Variants in PNO1 observed in about 807,000 individuals in gnomAD.
The protein encoded by PNO1 is partner of NOB1 homolog.
A neutral mutation model predicts 28.4 loss-of-function variants in PNO1; 16 were observed. The ratio of observed to expected loss-of-function variants is 0.56; its 90% CI spans 0.38 to 0.85. The LOEUF is 0.85. Among genes scored for constraint, PNO1 ranks in the 40% least tolerant of loss-of-function variants. The pLI is 0.00. For synonymous variants in PNO1, 115 were observed against 110.8 expected (o/e 1.04, Z -0.24); for missense variants, 304 against 312.2 (o/e 0.97, Z 0.20).
intron 5 of PNO1, 155 bp from the exon 6 acceptor site, chr2:68,173,189 AATT>A (rs1674177664): frequency 1.9e-6 from 1 of 519,978 alleles, no homozygotes; most frequent in Non-Finnish European, 3.4e-6. Flanking sequence ...CTAACTGTTG[AATT>A]TTTTTGTAGA....
chr2:68,169,772 T>G (rs1384279883), intron 5 of PNO1, among the ~76,000 whole-genome samples: 1 of 152,262 alleles, frequency 6.6e-6, no homozygotes, highest in Non-Finnish European at 1.5e-5. Context: ...TAGCTTTTTC[T>G]TAATTTTTTT....
intron 2 of PNO1, 90 bp from the exon 3 acceptor site, chr2:68,161,593 A>G (rs550413961): frequency 8.5e-6 from 7 of 825,234 alleles, no homozygotes; most frequent in East Asian, 7.5e-5. Flanking sequence ...AAATTCTCCA[A>G]TAATGGGAAA....
intron 5 of PNO1, among the ~76,000 whole-genome samples, chr2:68,172,142 T>G (rs1674146925): frequency 6.6e-6 from 1 of 152,098 alleles, no homozygotes. Flanking sequence ...ATTGACATGA[T>G]CGAGCATGGT....
chr2:68,165,296 G>A (rs1193813620), intron 5 of PNO1, among the ~76,000 whole-genome samples: 3 of 147,976 alleles, frequency 2.0e-5, no homozygotes, highest in East Asian at 3.9e-4. Context: ...CCCGGGAGGC[G>A]GAGCTTGCAG....
At chr2:68,167,123 CT>C (rs1337817865) in intron 5 of PNO1, among the ~76,000 whole-genome samples, 2 of 152,208 alleles carry the variant, frequency 1.3e-5, no homozygotes, top group African/African-American at 4.8e-5. Context: ...TCCTTCCAGA[CT>C]TTTATGATGT....
In PNO1 at chr2:68,174,382, G is replaced by A. The variant is rs556236944; in HGVS notation, c.692-353G>A. Among the ~76,000 whole-genome samples the A allele has an allele frequency of 2.2e-5, 3 of 137,006 alleles. No individual in the cohort carries two copies. In the South Asian group the frequency reaches 6.7e-4, roughly 30 times the overall value. 89.9% of individuals were successfully genotyped at this position (137,006 alleles called of 152,430 possible). A position where few individuals can be genotyped will look rare whatever the true frequency, so the allele number is the denominator to read the frequency against. ...CTTTTTCACGTACAGTCTGCCCTCT[G>A]TCTGCAAGGTCCACATCTGCGGATC... On this transcript the variant is annotated intron_variant, in intron 6 of 6. Coordinates refer to ENST00000263657, the MANE Select transcript of PNO1 (RefSeq NM_020143.4).
intron 5 of PNO1, among the ~76,000 whole-genome samples, chr2:68,170,466 G>A (rs1674097119): frequency 6.6e-6 from 1 of 152,066 alleles, no homozygotes; most frequent in Non-Finnish European, 1.5e-5. Context: ...GCCAAATATT[G>A]GCCGGGCGTG....
chr2:68,169,621 CTT>C (rs1170902209), intron 5 of PNO1, among the ~76,000 whole-genome samples: 1 of 152,140 alleles, frequency 6.6e-6, no homozygotes, highest in Non-Finnish European at 1.5e-5. Flanking sequence ...TTCCATTTCT[CTT>C]GACTACAAAT....
chr2:68,158,682 G>T (rs1228817834), intron 2 of PNO1, among the ~76,000 whole-genome samples, 153 bp downstream of exon 2: 1 of 152,166 alleles, frequency 6.6e-6, no homozygotes, highest in Non-Finnish European at 1.5e-5. Context: ...CTTCCCAAAT[G>T]CCTTAAAAAT....
At chr2:68,164,480 G>A (rs984662975) in intron 5 of PNO1, among the ~76,000 whole-genome samples, 2 of 152,086 alleles carry the variant, frequency 1.3e-5, no homozygotes, top group Admixed American at 1.3e-4. Context: ...GACAGAGTGA[G>A]ACTCTAACAA....
At position 68,175,572 on chromosome 2, in the gene PNO1, A is replaced by AT. The variant is rs1301844893; in HGVS notation, c.*771dup. The AT allele has an allele frequency of 6.6e-6, 1 of 152,172 alleles. No homozygotes were observed. The highest frequency in any genetic ancestry group is 1.5e-5 in the Non-Finnish European group (1 of 68,072). The allele number at this position is 152,172 out of a possible 1,614,324, so 9.4% of individuals were successfully genotyped here. On this transcript the variant is annotated 3_prime_UTR_variant, in exon 7 of 7. Transcript: ENST00000263657. ...CACTGCGCCTGGCCTTGATGTGTGA[A>AT]TATTTGAGAGGTCATAAGCAGTGGT...
At chr2:68,168,701 G>A (rs767368997) in intron 5 of PNO1, among the ~76,000 whole-genome samples, 3 of 152,124 alleles carry the variant, frequency 2.0e-5, no homozygotes, top group Non-Finnish European at 4.4e-5. Context: ...TGTCTTGCCT[G>A]GGCGCCTAGG....
chr2:68,162,748 G>A, intron 5 of PNO1, 85 bp downstream of exon 5: 2 of 849,694 alleles, frequency 2.4e-6, no homozygotes, highest in Non-Finnish European at 4.0e-6. Context: ...TGTATTTTAT[G>A]CATAATGTTG....
chr2:68,162,352 G>GC, intron 4 of PNO1, 27 bp downstream of exon 4: 1 of 1,503,836 alleles, frequency 6.6e-7, no homozygotes, highest in Admixed American at 2.0e-5. Flanking sequence ...CTGCGCTCTT[G>GC]TGTCGCTGAC....
intron 5 of PNO1, among the ~76,000 whole-genome samples, chr2:68,166,324 A>G (rs1490493484): frequency 6.6e-6 from 1 of 152,244 alleles, no homozygotes; most frequent in East Asian, 1.9e-4. Flanking sequence ...AATAACAAAC[A>G]GTTGATAAAC....
Position 68,158,041 on chromosome 2 carries a change from C to T in PNO1, c.107C>T (p.Ser36Phe), listed in dbSNP as rs771052321. ...RAKKRQAEQL[S>F]AAGEGGDAGR... is the part of the protein sequence containing the mutation. ...AAGAAACGACAGGCTGAACAGCTGTCCGCAGCAGGAGAGGGCGGGGATGCG... is the reference window on the plus strand; with the variant it reads ...AAGAAACGACAGGCTGAACAGCTGTTCGCAGCAGGAGAGGGCGGGGATGCG... The change falls in exon 1 of 7, where the codon TCC becomes TTC. Residue 36 changes from serine (S) to phenylalanine (F), a missense_variant. Transcript: ENST00000263657. 5.6e-6 allele frequency: 9 copies of T among 1,614,084 alleles called. No individual in the cohort carries two copies. The highest frequency in any genetic ancestry group is 5.9e-6 in the Non-Finnish European group (7 of 1,180,030).
intron 2 of PNO1, among the ~76,000 whole-genome samples, chr2:68,159,531 T>C (rs1673775873): frequency 6.6e-6 from 1 of 152,146 alleles, no homozygotes; most frequent in Non-Finnish European, 1.5e-5. Context: ...AATTCTGTGC[T>C]ATCAATCCGG....
intron 5 of PNO1, among the ~76,000 whole-genome samples, chr2:68,168,577 C>T (rs1019466681): frequency 6.6e-6 from 1 of 152,298 alleles, no homozygotes; most frequent in Non-Finnish European, 1.5e-5. Context: ...AAAAAATATC[C>T]TGTGGCAATT....
At chr2:68,166,206 T>C (rs933868939) in intron 5 of PNO1, among the ~76,000 whole-genome samples, 4 of 152,192 alleles carry the variant, frequency 2.6e-5, no homozygotes, top group African/African-American at 9.7e-5. Flanking sequence ...CCCTTGAATA[T>C]TGCAGGGATT....
Sources: allele counts gnomAD v4.1 joint callset (sites outside exome capture counted in the v4.1 genomes callset), GRCh38; gene constraint gnomAD v4.1.1; transcripts MANE v1.5; gene names NCBI Gene and HGNC (gene_info 2026-07-23, HGNC 2026-07-21).